Variants in ABCC5 observed in about 807,000 individuals in gnomAD.
ABCC5 encodes the protein ATP binding cassette subfamily C member 5.
A neutral mutation model predicts 160.9 loss-of-function variants in ABCC5; 61 were observed. The observed-to-expected ratio is 0.38, with a 90% confidence interval of 0.31 to 0.47. The LOEUF (loss-of-function observed/expected upper bound fraction) is 0.47, where lower values mean the gene tolerates loss of function less well. Among genes scored for constraint, ABCC5 ranks in the 20% least tolerant of loss-of-function variants. ABCC5 has a pLI of 0.99. For missense variants in ABCC5, 1,308 were observed against 1,813.3 expected (o/e 0.72, Z 5.06); for synonymous variants, 666 against 700.6 (o/e 0.95, Z 0.78).
chr3:183,998,653 C>G (rs534721530), intron 2 of ABCC5, among the ~76,000 whole-genome samples: 1 of 151,004 alleles, frequency 6.6e-6, no homozygotes, highest in African/African-American at 2.4e-5. Context: ...GGGTCTTGAT[C>G]ACTATGCTAT....
intron 2 of ABCC5, chr3:184,001,016 G>T (rs1720702263): frequency 2.5e-6 from 1 of 392,944 alleles, no homozygotes; most frequent in Non-Finnish European, 4.5e-6. Flanking sequence ...ACTTTGGGAG[G>T]CTGAGGTGGG....
chr3:183,960,790 C>CTT (rs11438378), intron 16 of ABCC5, among the ~76,000 whole-genome samples: 18 of 149,524 alleles, frequency 1.2e-4, no homozygotes, highest in African/African-American at 2.7e-4. Context: ...TCTCTTATGT[C>CTT]TTTTTTTTTT....
intron 29 of ABCC5, among the ~76,000 whole-genome samples, chr3:183,922,823 G>GTGTCCTTCCTTTGGACACA (rs1177599431): frequency 1.7e-4 from 26 of 152,148 alleles, no homozygotes; most frequent in South Asian, 8.3e-4. Flanking sequence ...GAACATAAGC[G>GTGTCCTTCCTTTGGACACA]TGTCCTTCCT....
rs145868901 is a variant in ABCC5, at chr3:184,005,556, G to A, written c.129+8708C>T. Among the ~76,000 whole-genome samples the A allele has an allele frequency of 2.0e-3, 306 of 149,532 alleles. 1 individual carries two copies. Among genetic ancestry groups the A allele is most frequent in the African/African-American group, 7.0e-3 (286 of 40,750 alleles). ...GGTTTAACCATTGCAAAGCCTTCTG[G>A]AGTCCCTGTTTCTTTGCGTTGACCT... On this transcript the variant is annotated intron_variant, in intron 2 of 29. Transcript: ENST00000334444.
chr3:183,981,005 C>T (rs538661985), intron 8 of ABCC5, among the ~76,000 whole-genome samples: 3 of 152,190 alleles, frequency 2.0e-5, no homozygotes, highest in South Asian at 2.1e-4. Flanking sequence ...GAGCCACTGG[C>T]GCCTGGCCTG....
intron 17 of ABCC5, among the ~76,000 whole-genome samples, chr3:183,959,088 TTGTG>T (rs1418848499): frequency 3.9e-5 from 5 of 127,554 alleles, no homozygotes; most frequent in Admixed American, 1.5e-4. Context: ...CACACAGTGT[TTGTG>T]TGTATTTAAA....
chr3:183,960,889 G>A (rs954736068), intron 16 of ABCC5, among the ~76,000 whole-genome samples: 2 of 151,796 alleles, frequency 1.3e-5, no homozygotes, highest in Non-Finnish European at 2.9e-5. Flanking sequence ...GGGTTCAAGC[G>A]ATTCTCCTGC....
chr3:183,927,544 C>T (rs1411272229), intron 27 of ABCC5, 101 bp from the exon 28 acceptor site: 3 of 1,489,392 alleles, frequency 2.0e-6, no homozygotes, highest in Non-Finnish European at 2.7e-6. Context: ...GATGAAAGAA[C>T]TATTAGCCAA....
intron 17 of ABCC5, among the ~76,000 whole-genome samples, chr3:183,956,871 A>C (rs78171076): frequency 1.8e-4 from 8 of 43,910 alleles, no homozygotes; most frequent in Admixed American, 4.6e-4. Context: ...TATATCATAT[A>C]GGTTACATGC....
At chr3:184,007,962 C>G (rs1013372152) in intron 2 of ABCC5, among the ~76,000 whole-genome samples, 1 of 152,274 alleles carries the variant, frequency 6.6e-6, no homozygotes, top group Admixed American at 6.5e-5. Flanking sequence ...ACAACTCTTT[C>G]TTTTGCCTGG....
Position 183,921,498 on chromosome 3 carries a change from T to C in ABCC5, c.4213-97A>G, listed in dbSNP as rs1234692213. 9.6e-6 allele frequency: 11 copies of C among 1,143,632 alleles called. No individual in the cohort carries two copies. In the East Asian group the frequency reaches 1.4e-4, roughly 14 times the overall value. 70.8% of individuals were successfully genotyped at this position (1,143,632 alleles called of 1,614,324 possible). A position where few individuals can be genotyped will look rare whatever the true frequency, so the allele number is the denominator to read the frequency against. On this transcript the variant is annotated intron_variant, in intron 29 of 29. Coordinates refer to ENST00000334444, the MANE Select transcript of ABCC5 (RefSeq NM_005688.4). The surrounding 1 kb of genome is among the most constrained non-coding windows in gnomAD (Gnocchi z 4.1). ...AGTAAGTGCCAGTGCCCTCTGAGGG[T>C]AGAATCTGGGGACAATTCAACTAGC...
At chr3:183,984,700 C>T in intron 5 of ABCC5, 1 of 1,515,730 alleles carries the variant, frequency 6.6e-7, no homozygotes, top group Non-Finnish European at 8.8e-7. Flanking sequence ...GCTTGGGTCA[C>T]CACTGTATAC....
intron 17 of ABCC5, among the ~76,000 whole-genome samples, chr3:183,955,347 T>C (rs1453896432): frequency 1.3e-5 from 2 of 152,200 alleles, no homozygotes; most frequent in Admixed American, 6.5e-5. Context: ...CTGTCAGTCT[T>C]AGGATCTCTA....
rs1235209082 is a variant in ABCC5, at chr3:183,965,254, G to T, written c.1962C>A (p.Tyr654Ter). 6.2e-7 allele frequency: 1 copy of T among 1,614,126 alleles called. No homozygotes were observed. The highest frequency in any genetic ancestry group is 8.5e-7 in the Non-Finnish European group (1 of 1,180,048). ...GGCAGCAGCTGTTCAGCACAGAGTT[G>T]TATCTGGAGGACACAAAGAGACAGC... ...LFGKEYDEER[Y>*]NSVLNSCCLR... The change falls in exon 14 of 30, where the codon TAC becomes TAA. Residue 654 changes from tyrosine to a stop codon, truncating the protein, a stop_gained. Transcript: ENST00000334444. LOFTEE classifies it high-confidence loss of function.
intron 2 of ABCC5, among the ~76,000 whole-genome samples, chr3:184,002,663 C>G (rs927870240): frequency 6.6e-6 from 1 of 152,232 alleles, no homozygotes; most frequent in Non-Finnish European, 1.5e-5. Flanking sequence ...CTCATTTTAA[C>G]AGGCTGCCAG....
rs1428746454 is a variant in ABCC5 at position 183,955,985 on chromosome 3, C to G, written c.2483-2715G>C. 3.5e-5 allele frequency among the ~76,000 whole-genome samples: 5 copies of G among 142,990 alleles called. 2 individuals carry two copies. Among genetic ancestry groups the G allele is most frequent in the Admixed American group, 1.4e-4 (2 of 13,948 alleles). The allele number at this position is 142,990 out of a possible 152,430, so 93.8% of individuals were successfully genotyped here. A position where few individuals can be genotyped will look rare whatever the true frequency, so the allele number is the denominator to read the frequency against. On this transcript the variant is annotated intron_variant, in intron 17 of 29. Transcript: ENST00000334444. Reference sequence around the variant, plus strand: ...GTGTGTATATCACATCGGTTACATGCAGCTCCATGTGTATATCACATCGGT... The same window carrying G: ...GTGTGTATATCACATCGGTTACATGGAGCTCCATGTGTATATCACATCGGT...
At chr3:183,959,702 CA>C in intron 17 of ABCC5, 30 bp downstream of exon 17, 2 of 1,501,100 alleles carry the variant, frequency 1.3e-6, no homozygotes, top group Non-Finnish European at 1.8e-6. Context: ...ACTTTGATGA[CA>C]AATCTAAAAA....
At position 183,953,179 on chromosome 3, in the gene ABCC5, T is replaced by A. The variant is rs1405252300; in HGVS notation, c.2574A>T (p.Ala858=). ...VYIQAAGGPL[A]FLVIMALFML... The stretch of plus-strand genomic sequence containing the variant: ...TGAAAAGGGCCATAATAACCAGGAA[T>A]GCCAAGGGGCCCCCAGCAGCCTGGA... Residue 858 remains alanine, a synonymous_variant, in exon 18 of 30, where the codon GCA becomes GCT. Coordinates refer to ENST00000334444, the MANE Select transcript of ABCC5 (RefSeq NM_005688.4). 1.2e-6 allele frequency: 2 copies of A among 1,614,116 alleles called. No homozygotes were observed. The highest frequency in any genetic ancestry group is 4.5e-5 in the East Asian group (2 of 44,872).
chr3:183,965,099 A>G (rs1003324182), intron 14 of ABCC5, 86 bp downstream of exon 14: 1 of 1,394,684 alleles, frequency 7.2e-7, no homozygotes, highest in African/African-American at 1.4e-5. Context: ...CTCTTCTCCC[A>G]AGCATTTCAG....
Sources: allele counts gnomAD v4.1 joint callset (sites outside exome capture counted in the v4.1 genomes callset), GRCh38; gene constraint gnomAD v4.1.1; non-coding constraint Gnocchi (gnomAD v3.1); transcripts MANE v1.5; gene names NCBI Gene and HGNC (gene_info 2026-07-23, HGNC 2026-07-21).